CHIC2: variants seen among roughly 807,000 people sequenced by gnomAD.
The protein encoded by CHIC2 is cysteine rich hydrophobic domain 2.
A neutral mutation model predicts 25.9 loss-of-function variants in CHIC2; 14 were observed. That is an observed-to-expected ratio of 0.54 (90% CI 0.36 to 0.85). The LOEUF is 0.85. Among genes scored for constraint, CHIC2 ranks in the 40% least tolerant of loss-of-function variants. The pLI is 0.01. For synonymous variants in CHIC2, 70 were observed against 72.0 expected, an observed-to-expected ratio of 0.97 and a Z score of 0.14; for missense variants, 146 against 202.0, an observed-to-expected ratio of 0.72 and a Z score of 1.68.
At chr4:54,013,960 C>T in intron 4 of CHIC2, 64 bp from the exon 5 acceptor site, 2 of 1,592,992 alleles carry the variant, frequency 1.3e-6, no homozygotes, top group East Asian at 2.2e-5. Context: ...CACAGACTAA[C>T]CCATTTGTCC....
intron 3 of CHIC2, among the ~76,000 whole-genome samples, chr4:54,020,000 A>C (rs1455758882): frequency 6.6e-6 from 1 of 152,204 alleles, no homozygotes; most frequent in Non-Finnish European, 1.5e-5. Flanking sequence ...GAATTTCACT[A>C]TGCAAATAAA....
At chr4:54,047,577 C>T (rs1336217736) in intron 3 of CHIC2, among the ~76,000 whole-genome samples, 1 of 147,378 alleles carries the variant, frequency 6.8e-6, no homozygotes. Flanking sequence ...CATATTCTCA[C>T]TCATAGGTGG....
At chr4:54,057,649 G>C (rs901881069) in intron 1 of CHIC2, among the ~76,000 whole-genome samples, 1 of 152,030 alleles carries the variant, frequency 6.6e-6, no homozygotes, top group African/African-American at 2.4e-5. Flanking sequence ...GTTTCATTTT[G>C]GGTTTCATTA....
At chr4:54,081,893 G>A in the CHIC2 span, among the ~76,000 whole-genome samples, 2 of 152,140 alleles carry the variant, frequency 1.3e-5, no homozygotes, top group Non-Finnish European at 1.5e-5. Context: ...CAAATGTTTT[G>A]TGGAGAAGCC....
chr4:54,056,924 T>C (rs1285300089), intron 1 of CHIC2, among the ~76,000 whole-genome samples: 1 of 152,128 alleles, frequency 6.6e-6, no homozygotes, highest in Non-Finnish European at 1.5e-5. Context: ...TCTATGATCT[T>C]GTGGGAAACA....
intron 1 of CHIC2, chr4:54,061,069 T>C (rs1248272209): frequency 6.6e-6 from 1 of 152,098 alleles, no homozygotes; most frequent in Non-Finnish European, 1.5e-5. Flanking sequence ...ATACTGATCA[T>C]GAGAGAAGTA....
chr4:54,084,639 G>T, the CHIC2 span, among the ~76,000 whole-genome samples: 3 of 151,980 alleles, frequency 2.0e-5, no homozygotes, highest in South Asian at 6.2e-4. Context: ...GTATAACTGA[G>T]ACCTATTAAA....
At position 54,013,011 on chromosome 4, in the gene CHIC2, T is replaced by C. The variant is rs78641730; in HGVS notation, c.447+826A>G. On this transcript the variant is annotated intron_variant, in intron 5 of 5. Transcript: ENST00000263921. ...TGTTTTAAAGAATAGACAAAATTCC[T>C]CAGAAATGTTGTAACAGGTACTTCA... Among the ~76,000 whole-genome samples, 1,315 of 152,212 alleles carry C rather than the reference T, an allele frequency of 8.6e-3. 12 individuals carry two copies. Among genetic ancestry groups the C allele is most frequent in the Middle Eastern group, 0.051 (15 of 294 alleles).
chr4:54,023,266 T>A (rs936865902), intron 3 of CHIC2, among the ~76,000 whole-genome samples: 1 of 152,152 alleles, frequency 6.6e-6, no homozygotes, highest in African/African-American at 2.4e-5. Context: ...CCTTACTATT[T>A]TAGGCTGGCC....
intron 3 of CHIC2, among the ~76,000 whole-genome samples, chr4:54,045,039 C>G: frequency 6.6e-6 from 1 of 152,096 alleles, no homozygotes; most frequent in Non-Finnish European, 1.5e-5. Context: ...AAATAAACTA[C>G]AAAATCCAGA....
chr4:54,091,576 T>C, the CHIC2 span, among the ~76,000 whole-genome samples: 1 of 152,200 alleles, frequency 6.6e-6, no homozygotes, highest in African/African-American at 2.4e-5. Flanking sequence ...AAAGACCACA[T>C]TGGGTACAGT....
chr4:54,050,799 G>A (rs985218613), intron 1 of CHIC2, among the ~76,000 whole-genome samples: 1 of 152,076 alleles, frequency 6.6e-6, no homozygotes, highest in Admixed American at 6.5e-5. Flanking sequence ...CACACACTCT[G>A]TGATGTCTGC....
At chr4:54,081,117 C>A in the CHIC2 span, among the ~76,000 whole-genome samples, 1 of 151,380 alleles carries the variant, frequency 6.6e-6, no homozygotes, top group Non-Finnish European at 1.5e-5. Context: ...GATTCCACTG[C>A]CTATAAATTA....
chr4:54,010,358 C>A, intron 5 of CHIC2, among the ~76,000 whole-genome samples: 1 of 151,968 alleles, frequency 6.6e-6, no homozygotes, highest in East Asian at 1.9e-4. Flanking sequence ...CACGAAATAC[C>A]TTGGCTCTAT....
In CHIC2 at chr4:54,048,748, A is replaced by T. The variant is rs546962913; in HGVS notation, c.330+207T>A. Reference sequence around the variant, plus strand: ...CCATACACTACTCCTTGCTTCTAAAATTATAAATATAATTTTTAGATGGCT... The same window carrying T: ...CCATACACTACTCCTTGCTTCTAAATTTATAAATATAATTTTTAGATGGCT... On this transcript the variant is annotated intron_variant, in intron 3 of 5. Coordinates refer to ENST00000263921, the MANE Select transcript of CHIC2 (RefSeq NM_012110.4). 402 of 402,062 alleles carry T rather than the reference A, an allele frequency of 1.0e-3. 1 individual carries two copies. Among genetic ancestry groups the T allele is most frequent in the African/African-American group, 7.8e-3 (378 of 48,260 alleles). 24.9% of individuals were successfully genotyped at this position (402,062 alleles called of 1,614,324 possible).
chr4:54,046,369 C>T (rs969080125), intron 3 of CHIC2, among the ~76,000 whole-genome samples: 8 of 152,124 alleles, frequency 5.3e-5, no homozygotes, highest in African/African-American at 1.2e-4. Flanking sequence ...AAGAACAAAG[C>T]TGGAGGCATC....
At chr4:54,075,221 C>A in the CHIC2 span, among the ~76,000 whole-genome samples, 2 of 152,168 alleles carry the variant, frequency 1.3e-5, no homozygotes, top group Non-Finnish European at 2.9e-5. Context: ...TAAAGAGATA[C>A]CTGAATTTGA....
intron 3 of CHIC2, among the ~76,000 whole-genome samples, chr4:54,025,694 A>C (rs1164887880): frequency 6.6e-6 from 1 of 151,908 alleles, no homozygotes; most frequent in Non-Finnish European, 1.5e-5. Flanking sequence ...ACCCATGTCT[A>C]CAAAAATTAC....
intron 5 of CHIC2, among the ~76,000 whole-genome samples, chr4:54,011,696 T>G (rs1715594033): frequency 6.6e-6 from 1 of 152,028 alleles, no homozygotes; most frequent in African/African-American, 2.4e-5. Flanking sequence ...GAACTATTAG[T>G]TTTTAAATAA....
Sources: allele counts gnomAD v4.1 joint callset (sites outside exome capture counted in the v4.1 genomes callset), GRCh38; gene constraint gnomAD v4.1.1; transcripts MANE v1.5; gene names NCBI Gene and HGNC (gene_info 2026-07-23, HGNC 2026-07-21).